The following PALMD variants were observed in gnomAD, a reference collection of about 807,000 sequenced individuals.
The protein encoded by PALMD is palmdelphin, also known as paralemmin-like protein.
Under a neutral mutation model 56.2 loss-of-function variants are expected in PALMD, and 42 were observed. The observed-to-expected ratio is 0.75, with a 90% CI of 0.58 to 0.97. The LOEUF (loss-of-function observed/expected upper bound fraction) is 0.97, where lower values mean the gene tolerates loss of function less well. Ranked by LOEUF, PALMD falls within the 50% of genes least tolerant of loss-of-function variation. The pLI is 0.00. For synonymous variants in PALMD, 242 were observed against 222.9 expected (o/e 1.09, Z -0.76); for missense variants, 660 against 643.8 (o/e 1.03, Z -0.27).
chr1:99,691,918 G>A (rs769000564), intron 7 of PALMD, among the ~76,000 whole-genome samples: 25 of 152,118 alleles, frequency 1.6e-4, no homozygotes, highest in Non-Finnish European at 3.1e-4. Flanking sequence ...GGAAAACAGC[G>A]TGAAGAAGAA....
intron 2 of PALMD, 54 bp from the exon 3 acceptor site, chr1:99,667,588 T>C (rs2100862156): frequency 6.7e-7 from 1 of 1,495,716 alleles, no homozygotes; most frequent in Non-Finnish European, 9.2e-7. Flanking sequence ...CAGTAAGAGA[T>C]TTTGGAAATT....
chr1:99,653,767 G>C (rs1192007680), intron 1 of PALMD, among the ~76,000 whole-genome samples: 2 of 152,078 alleles, frequency 1.3e-5, no homozygotes, highest in African/African-American at 2.4e-5. Flanking sequence ...TTTGAGAACA[G>C]CTCTCTGTGT....
intron 1 of PALMD, among the ~76,000 whole-genome samples, chr1:99,656,261 T>C (rs980608249): frequency 1.3e-4 from 19 of 147,906 alleles, no homozygotes; most frequent in Non-Finnish European, 2.5e-4. Context: ...TTTTCAATAA[T>C]TTTTTTAAGA....
intron 3 of PALMD, among the ~76,000 whole-genome samples, chr1:99,678,134 T>C (rs1184020455): frequency 6.7e-6 from 1 of 150,346 alleles, no homozygotes; most frequent in African/African-American, 2.5e-5. Flanking sequence ...TTTTTGAGAC[T>C]GTCTCACTCT....
At position 99,683,158 on chromosome 1, in the gene PALMD, GAAAGAAA is replaced by G. The variant is rs1557674127; in HGVS notation, c.252-3517_252-3511del. On this transcript the variant is annotated intron_variant, in intron 3 of 7. Transcript: ENST00000263174. The stretch of plus-strand genomic sequence containing the variant: ...AGAAAGAAAGAAAGAAAGAAAGAAA[GAAAGAAA>G]GAAACGAACACCCTATGAAGTTGTT... The G allele has an allele frequency of 8.2e-4, 107 of 130,078 alleles. 8 individuals carry two copies. The highest frequency in any genetic ancestry group is 4.5e-3 in the Middle Eastern group (1 of 222). The allele number at this position is 130,078 out of a possible 1,614,324, so 8.1% of individuals were successfully genotyped here.
At chr1:99,692,147 A>G (rs1653665381) in intron 7 of PALMD, among the ~76,000 whole-genome samples, 1 of 152,096 alleles carries the variant, frequency 6.6e-6, no homozygotes, top group Non-Finnish European at 1.5e-5. Flanking sequence ...ACCCCTACCA[A>G]TCAGGGGGTA....
intron 2 of PALMD, among the ~76,000 whole-genome samples, chr1:99,664,142 T>G (rs933918256): frequency 1.3e-5 from 2 of 152,096 alleles, no homozygotes; most frequent in African/African-American, 4.8e-5. Flanking sequence ...TCCCAAGCTG[T>G]TCACTGGAAA....
intron 3 of PALMD, among the ~76,000 whole-genome samples, chr1:99,678,893 A>G (rs1203554381): frequency 6.6e-6 from 1 of 152,014 alleles, no homozygotes; most frequent in Non-Finnish European, 1.5e-5. Flanking sequence ...AGGGAGGCCA[A>G]GGCAAGGCGG....
chr1:99,691,230 A>C (rs1482772306), intron 7 of PALMD, among the ~76,000 whole-genome samples: 1 of 152,174 alleles, frequency 6.6e-6, no homozygotes, highest in Non-Finnish European at 1.5e-5. Flanking sequence ...AGAGAGGAAC[A>C]CACTGTTTAC....
Position 99,689,330 on chromosome 1 carries a change from T to C in PALMD, c.1070T>C (p.Met357Thr), listed in dbSNP as rs1263274311. 5 of 1,613,524 alleles carry C rather than the reference T, an allele frequency of 3.1e-6. No homozygotes were observed. In the East Asian group the frequency reaches 1.1e-4, roughly 36 times the overall value. ...LMTPWEESNV[M>T]QDKDAPSPKP... ...ACTCCTTGGGAAGAATCGAATGTCATGCAGGACAAAGATGCACCCTCTCCA... is the reference window on the plus strand; with the variant it reads ...ACTCCTTGGGAAGAATCGAATGTCACGCAGGACAAAGATGCACCCTCTCCA... The change falls in exon 7 of 8, where the codon ATG becomes ACG. Residue 357 changes from methionine to threonine, a missense_variant. Physicochemically the swap from Met to Thr is moderately conservative, Grantham distance 81. Transcript: ENST00000263174.
chr1:99,662,947 ATCT>A (rs1435758180), intron 2 of PALMD, among the ~76,000 whole-genome samples: 3 of 152,214 alleles, frequency 2.0e-5, no homozygotes, highest in African/African-American at 7.2e-5. Flanking sequence ...CAGATTTTAC[ATCT>A]TTCACTGGGT....
intron 1 of PALMD, among the ~76,000 whole-genome samples, chr1:99,648,660 GAA>G (rs34022751): frequency 7.1e-6 from 1 of 140,872 alleles, no homozygotes; most frequent in Non-Finnish European, 1.6e-5. Context: ...CACTTTGGAG[GAA>G]AAAAAAAAAA....
At chr1:99,650,285 G>GAAAAAAAAAAAA (rs200081370) in intron 1 of PALMD, among the ~76,000 whole-genome samples, 2 of 116,968 alleles carry the variant, frequency 1.7e-5, no homozygotes, top group Non-Finnish European at 3.4e-5. Flanking sequence ...TGCTCATAAT[G>GAAAAAAAAAAAA]AAAAAAAAAA....
At chr1:99,669,067 G>A (rs1241241365) in intron 3 of PALMD, 2 of 152,108 alleles carry the variant, frequency 1.3e-5, no homozygotes, top group South Asian at 2.1e-4. Flanking sequence ...TCTGTGCTAC[G>A]ACCGCATTTT....
At chr1:99,657,534 C>T (rs1486235829) in intron 1 of PALMD, among the ~76,000 whole-genome samples, 1 of 152,160 alleles carries the variant, frequency 6.6e-6, no homozygotes, top group African/African-American at 2.4e-5. Context: ...GTGTCCTCTT[C>T]GTGTTCTCTC....
chr1:99,688,066 C>T (rs1329159728), intron 6 of PALMD, among the ~76,000 whole-genome samples: 1 of 152,140 alleles, frequency 6.6e-6, no homozygotes, highest in Non-Finnish European at 1.5e-5. Flanking sequence ...CAAATCTCAG[C>T]TTCCCCAGTT....
chr1:99,675,114 T>C (rs1181820590), intron 3 of PALMD, among the ~76,000 whole-genome samples: 1 of 152,224 alleles, frequency 6.6e-6, no homozygotes, highest in African/African-American at 2.4e-5. Flanking sequence ...TTTATATTTG[T>C]TGATCTTCAA....
intron 3 of PALMD, among the ~76,000 whole-genome samples, chr1:99,677,254 A>C (rs982014977): frequency 3.3e-5 from 5 of 152,134 alleles, no homozygotes; most frequent in Admixed American, 1.3e-4. Flanking sequence ...CAATGAAAAA[A>C]ATTATGAAAA....
At chr1:99,693,988 A>G (rs2100879976) in intron 7 of PALMD, 31 bp from the exon 8 acceptor site, 1 of 1,527,744 alleles carries the variant, frequency 6.5e-7, no homozygotes, top group East Asian at 2.3e-5. Context: ...GATTTTTTTT[A>G]TAACTCTCTT....
Sources: allele counts gnomAD v4.1 joint callset (sites outside exome capture counted in the v4.1 genomes callset), GRCh38; gene constraint gnomAD v4.1.1; transcripts MANE v1.5; gene names NCBI Gene and HGNC (gene_info 2026-07-23, HGNC 2026-07-21).